Variants in ADK observed in about 807,000 individuals in gnomAD.
ADK encodes N6,N6-dimethyladenosine kinase.
In ADK, 24 loss-of-function variants were observed where a neutral mutation model predicts 44.7. That is an observed-to-expected ratio of 0.54 (90% CI 0.39 to 0.76). ADK has a LOEUF of 0.76. Ranked by LOEUF, ADK falls within the 30% of genes least tolerant of loss-of-function variation. ADK has a pLI of 0.00. For synonymous variants in ADK, 128 were observed against 142.6 expected, an observed-to-expected ratio of 0.90 and a Z score of 0.73; for missense variants, 321 against 425.1, an observed-to-expected ratio of 0.76 and a Z score of 2.15.
intron 7 of ADK, among the ~76,000 whole-genome samples, chr10:74,538,524 G>C (rs562632110): frequency 6.6e-6 from 1 of 152,132 alleles, no homozygotes; most frequent in African/African-American, 2.4e-5. Context: ...GTTTTTTGTT[G>C]TTGAGTAGCT....
At chr10:74,308,527 C>G (rs1287836803) in intron 3 of ADK, among the ~76,000 whole-genome samples, 1 of 152,014 alleles carries the variant, frequency 6.6e-6, no homozygotes, top group African/African-American at 2.4e-5. Context: ...TGTCGATTCC[C>G]CCCCTGTGTT....
At chr10:74,544,590 A>T (rs1009186899) in intron 7 of ADK, among the ~76,000 whole-genome samples, 1 of 152,160 alleles carries the variant, frequency 6.6e-6, no homozygotes, top group Non-Finnish European at 1.5e-5. Flanking sequence ...AGAAATAAGA[A>T]TGAAGGTTGG....
At chr10:74,527,787 A>C in intron 7 of ADK, 1 of 1,566,538 alleles carries the variant, frequency 6.4e-7, no homozygotes, top group Non-Finnish European at 8.8e-7. Flanking sequence ...GAAACCTGAC[A>C]TGTGGGCATA....
intron 7 of ADK, among the ~76,000 whole-genome samples, chr10:74,546,305 G>A (rs1849816364): frequency 6.6e-6 from 1 of 152,208 alleles, no homozygotes; most frequent in South Asian, 2.1e-4. Context: ...AGATTTGTGA[G>A]ACTAGGTCGA....
At position 74,625,841 on chromosome 10, in the gene ADK, A is replaced by G. The variant is rs1466255008; in HGVS notation, c.877+25348A>G. On this transcript the variant is annotated intron_variant, in intron 9 of 10. Transcript: ENST00000539909. ...ATGAATTCAGTCATGGAGAAAGTTT[A>G]TACTATAGTGTTTGCTAAAAGAATT... 3.3e-5 allele frequency among the ~76,000 whole-genome samples: 5 copies of G among 152,200 alleles called. No individual in the cohort carries two copies. The East Asian group carries it at 9.6e-4, about 29-fold the overall frequency.
At chr10:74,613,924 G>T (rs117922514) in intron 9 of ADK, among the ~76,000 whole-genome samples, 2 of 152,036 alleles carry the variant, frequency 1.3e-5, no homozygotes, top group African/African-American at 2.4e-5. Context: ...AAACTAAGTG[G>T]CATTCTTTTA....
chr10:74,397,695 C>G (rs1316020595), intron 5 of ADK, among the ~76,000 whole-genome samples: 3 of 151,970 alleles, frequency 2.0e-5, no homozygotes, highest in South Asian at 4.2e-4. Context: ...GCACCACTAC[C>G]CCCAGCTAAT....
At chr10:74,531,567 T>C (rs1849293177) in intron 7 of ADK, among the ~76,000 whole-genome samples, 1 of 152,172 alleles carries the variant, frequency 6.6e-6, no homozygotes, top group Non-Finnish European at 1.5e-5. Context: ...AAGGTCTCAC[T>C]CTCTCACCCA....
chr10:74,273,494 G>A (rs945126715), intron 3 of ADK, among the ~76,000 whole-genome samples: 2 of 148,820 alleles, frequency 1.3e-5, no homozygotes, highest in Non-Finnish European at 3.0e-5. Flanking sequence ...TCTTGCTCTT[G>A]TTCCCCAGGC....
At chr10:74,416,431 A>G (rs2132987318) in intron 6 of ADK, among the ~76,000 whole-genome samples, 1 of 152,240 alleles carries the variant, frequency 6.6e-6, no homozygotes, top group South Asian at 2.1e-4. Flanking sequence ...GTCCTGGTTT[A>G]CTAGTTAGGG....
intron 6 of ADK, among the ~76,000 whole-genome samples, chr10:74,442,996 G>T (rs1845477468): frequency 6.6e-6 from 1 of 152,154 alleles, no homozygotes; most frequent in African/African-American, 2.4e-5. Flanking sequence ...AAGTGTGGTT[G>T]GGGGAGGGAA....
Position 74,391,652 on chromosome 10 carries a change from TACACACACAC to T in ADK, c.274-2453_274-2444del, listed in dbSNP as rs71475280. ...AATTCAGGAGTTCGAGGCAAGAATA[TACACACACAC>T]ACACACACACACACACACACACACA... On this transcript the variant is annotated intron_variant, in intron 4 of 10. Transcript: ENST00000539909. 4.3e-3 allele frequency among the ~76,000 whole-genome samples: 322 copies of T among 74,302 alleles called. 3 individuals are homozygous for T. Among genetic ancestry groups the T allele is most frequent in the African/African-American group, 0.01 (301 of 29,082 alleles). 48.7% of individuals were successfully genotyped at this position (74,302 alleles called of 152,430 possible).
intron 1 of ADK, among the ~76,000 whole-genome samples, chr10:74,184,683 C>T (rs555546470): frequency 1.3e-5 from 2 of 152,266 alleles, no homozygotes; most frequent in South Asian, 2.1e-4. Flanking sequence ...CCATTGTCCC[C>T]GGCTATCCTG....
At chr10:74,649,383 TA>T (rs1854174330) in intron 9 of ADK, among the ~76,000 whole-genome samples, 1 of 152,142 alleles carries the variant, frequency 6.6e-6, no homozygotes, top group South Asian at 2.1e-4. Flanking sequence ...TCCAACACTT[TA>T]GGAGGCCAAG....
chr10:74,180,180 G>A (rs190906144), intron 1 of ADK, among the ~76,000 whole-genome samples: 2 of 150,268 alleles, frequency 1.3e-5, no homozygotes, highest in Admixed American at 6.7e-5. Flanking sequence ...CCTTTTCTGA[G>A]TTACTGAGCT....
At chr10:74,213,020 T>G (rs1591863473) in intron 2 of ADK, among the ~76,000 whole-genome samples, 2 of 152,314 alleles carry the variant, frequency 1.3e-5, no homozygotes, top group South Asian at 4.1e-4. Flanking sequence ...TTGAGTTTTG[T>G]TCAAGCTTGA....
At chr10:74,633,849 T>A (rs1564828567) in intron 9 of ADK, among the ~76,000 whole-genome samples, 1 of 152,178 alleles carries the variant, frequency 6.6e-6, no homozygotes, top group Non-Finnish European at 1.5e-5. Context: ...GTAGCATGCC[T>A]AAAAGTTGGT....
intron 3 of ADK, among the ~76,000 whole-genome samples, chr10:74,236,391 A>T (rs961722496): frequency 6.6e-6 from 1 of 152,204 alleles, no homozygotes. Context: ...TAGGCTTTTA[A>T]ACAATTTTGT....
chr10:74,664,346 A>G (rs144885429), intron 9 of ADK, among the ~76,000 whole-genome samples: 8 of 152,294 alleles, frequency 5.3e-5, no homozygotes, highest in Non-Finnish European at 8.8e-5. Flanking sequence ...TTTATTGTAT[A>G]TGCATAGAAA....
Sources: gnomAD v4.1 joint callset for allele counts (sites outside exome capture counted in the v4.1 genomes callset) on GRCh38, gnomAD v4.1.1 for gene constraint, MANE v1.5 for transcripts, NCBI Gene and HGNC (gene_info 2026-07-23, HGNC 2026-07-21) for gene names.